GPHN: variants seen among roughly 807,000 people sequenced by gnomAD.
The protein encoded by GPHN is gephyrin.
A neutral mutation model predicts 95.5 loss-of-function variants in GPHN; 17 were observed. That is an observed-to-expected ratio of 0.18 (90% CI 0.12 to 0.27). The LOEUF (loss-of-function observed/expected upper bound fraction) is 0.27, where lower values mean the gene tolerates loss of function less well. Among genes scored for constraint, GPHN ranks in the 10% least tolerant of loss-of-function variants. GPHN has a pLI of 1.00. For missense variants in GPHN, 660 were observed against 978.1 expected (o/e 0.67, Z 4.34); for synonymous variants, 320 against 322.5 (o/e 0.99, Z 0.08).
At chr14:67,037,545 T>C (rs531690532) in intron 10 of GPHN, among the ~76,000 whole-genome samples, 3 of 151,828 alleles carry the variant, frequency 2.0e-5, no homozygotes, top group Non-Finnish European at 4.4e-5. Context: ...GCAAATCATA[T>C]ATCTGATAAG....
the GPHN span, among the ~76,000 whole-genome samples, chr14:67,282,403 C>G: frequency 6.6e-6 from 1 of 152,060 alleles, no homozygotes; most frequent in Non-Finnish European, 1.5e-5. Context: ...TGAGAGGAAG[C>G]CTTCAGTTTC....
the GPHN span, chr14:67,224,113 G>A: frequency 4.9e-5 from 33 of 670,898 alleles, no homozygotes; most frequent in Non-Finnish European, 5.7e-5. Flanking sequence ...AGCAGTTTGC[G>A]AAAGTTAAAT....
chr14:67,370,954 A>G, the GPHN span, among the ~76,000 whole-genome samples: 1 of 152,128 alleles, frequency 6.6e-6, no homozygotes, highest in Non-Finnish European at 1.5e-5. Flanking sequence ...GCTTGAGGCC[A>G]GGAGAACAAG....
the GPHN span, among the ~76,000 whole-genome samples, chr14:67,560,106 A>G: frequency 6.6e-6 from 1 of 152,124 alleles, no homozygotes; most frequent in Non-Finnish European, 1.5e-5. Flanking sequence ...GGCTTACCGC[A>G]ACCTCCGCCT....
At chr14:66,528,653 G>A (rs543188935) in intron 1 of GPHN, among the ~76,000 whole-genome samples, 3 of 152,170 alleles carry the variant, frequency 2.0e-5, no homozygotes, top group African/African-American at 7.2e-5. Context: ...TGTAAGGCAG[G>A]CCTCGTGGTG....
chr14:67,235,984 AT>A, the GPHN span, among the ~76,000 whole-genome samples: 2 of 152,180 alleles, frequency 1.3e-5, no homozygotes, highest in Non-Finnish European at 2.9e-5. Flanking sequence ...AAAATTAGAT[AT>A]ATTTATGACA....
intron 1 of GPHN, among the ~76,000 whole-genome samples, chr14:66,635,891 C>G (rs765904842): frequency 1.3e-5 from 2 of 151,854 alleles, no homozygotes; most frequent in Non-Finnish European, 2.9e-5. Flanking sequence ...GTAATCCCAG[C>G]ACTTTGGGAG....
intron 5 of GPHN, among the ~76,000 whole-genome samples, chr14:66,913,540 A>G (rs2065772300): frequency 6.6e-6 from 1 of 151,958 alleles, no homozygotes; most frequent in African/African-American, 2.4e-5. Flanking sequence ...ACAGGGTTTC[A>G]CTATATTGGC....
At chr14:67,101,851 T>TATTC (rs749585298) in intron 13 of GPHN, among the ~76,000 whole-genome samples, 4 of 124,610 alleles carry the variant, frequency 3.2e-5, no homozygotes, top group Non-Finnish European at 6.2e-5. Flanking sequence ...GTTTATGTAT[T>TATTC]ATTTATTTAT....
At chr14:67,165,564 G>C (rs2082228245) in intron 20 of GPHN, among the ~76,000 whole-genome samples, 1 of 152,126 alleles carries the variant, frequency 6.6e-6, no homozygotes, top group Non-Finnish European at 1.5e-5. Flanking sequence ...CAGGAAATTG[G>C]TCGAAGTTAG....
intron 4 of GPHN, among the ~76,000 whole-genome samples, chr14:66,833,354 G>A (rs2061655326): frequency 6.6e-6 from 1 of 152,024 alleles, no homozygotes; most frequent in South Asian, 2.1e-4. Context: ...AAAGCATGAG[G>A]GTAACTGCCC....
chr14:67,216,378 G>A, the GPHN span, among the ~76,000 whole-genome samples: 1 of 150,850 alleles, frequency 6.6e-6, no homozygotes, highest in Non-Finnish European at 1.5e-5. Context: ...AATATTTTGG[G>A]GTTTTTTTTC....
At chr14:66,564,488 T>C (rs1161928784) in intron 1 of GPHN, among the ~76,000 whole-genome samples, 1 of 152,206 alleles carries the variant, frequency 6.6e-6, no homozygotes, top group Non-Finnish European at 1.5e-5. Context: ...TGGGTAATGC[T>C]AATATAGTCA....
chr14:67,347,987 A>ACC, the GPHN span, among the ~76,000 whole-genome samples: 1 of 150,642 alleles, frequency 6.6e-6, no homozygotes, highest in Non-Finnish European at 1.5e-5. Context: ...TCTTCAGCTC[A>ACC]CTGCAACCAC....
intron 21 of GPHN, among the ~76,000 whole-genome samples, chr14:67,176,866 A>C (rs2082995430): frequency 6.6e-6 from 1 of 152,092 alleles, no homozygotes; most frequent in African/African-American, 2.4e-5. Flanking sequence ...ATTTGCATAG[A>C]GGTATTTATA....
the GPHN span, among the ~76,000 whole-genome samples, chr14:67,541,317 A>G: frequency 2.6e-5 from 4 of 152,176 alleles, no homozygotes; most frequent in Admixed American, 2.6e-4. Context: ...CCTTCCCTAA[A>G]CACATCCCTC....
the GPHN span, among the ~76,000 whole-genome samples, chr14:67,463,685 A>G: frequency 6.6e-6 from 1 of 150,512 alleles, no homozygotes; most frequent in Admixed American, 6.6e-5. Flanking sequence ...CCGAGCTAGC[A>G]TCTAATGCTG....
At chr14:66,700,445 G>T (rs73287841) in intron 2 of GPHN, among the ~76,000 whole-genome samples, 3 of 152,088 alleles carry the variant, frequency 2.0e-5, no homozygotes, top group African/African-American at 7.2e-5. Context: ...ACGCATGTTG[G>T]CTGTTGCTGT....
At chr14:67,534,676 G>A in the GPHN span, among the ~76,000 whole-genome samples, 1 of 152,074 alleles carries the variant, frequency 6.6e-6, no homozygotes, top group Admixed American at 6.5e-5. Context: ...GGTGCAGCCT[G>A]TGGCCCCAAA....
Sources: allele counts gnomAD v4.1 joint callset (sites outside exome capture counted in the v4.1 genomes callset), GRCh38; gene constraint gnomAD v4.1.1; transcripts MANE v1.5; gene names NCBI Gene and HGNC (gene_info 2026-07-23, HGNC 2026-07-21).